The following LRRK1 variants were observed in gnomAD, a reference collection of about 807,000 sequenced individuals.
LRRK1 encodes leucine-rich repeat serine/threonine-protein kinase 1.
A neutral mutation model predicts 209.1 loss-of-function variants in LRRK1; 113 were observed. The observed-to-expected ratio is 0.54, with a 90% confidence interval of 0.46 to 0.63. LRRK1 has a LOEUF of 0.63. Among genes scored for constraint, LRRK1 ranks in the 30% least tolerant of loss-of-function variants. The pLI, the probability that LRRK1 is intolerant of heterozygous loss-of-function variation, is 0.00. For synonymous variants in LRRK1, 1,144 were observed against 1,099.7 expected (o/e 1.04, Z -0.80); for missense variants, 2,284 against 2,632.2 (o/e 0.87, Z 2.89).
chr15:101,067,018 A>G (rs1261562709), intron 33 of LRRK1, among the ~76,000 whole-genome samples: 2 of 152,220 alleles, frequency 1.3e-5, no homozygotes, highest in Non-Finnish European at 2.9e-5. Flanking sequence ...CTCCAGGGCC[A>G]GAGTTCAGCT....
Position 101,027,772 on chromosome 15 carries a change from C to T in LRRK1, c.2661C>T (p.Ile887=), listed in dbSNP as rs757689685. Residue 887 remains isoleucine, a synonymous_variant, in exon 19 of 34, where the codon ATC becomes ATT. Transcript: ENST00000388948. This position sits in a 1 kb window ranked among gnomAD's most constrained non-coding sequence, Gnocchi z 5.1. The stretch of plus-strand genomic sequence containing the variant: ...TGGAGCAGACGCCCGACAACGACAT[C>T]AAGGACTACGAGGACCTGCAGTCAG... The part of the protein sequence containing the change: ...QLVEQTPDND[I]KDYEDLQSAI... The T allele has an allele frequency of 1.3e-6, 2 of 1,595,218 alleles. No individual in the cohort carries two copies. The highest frequency in any genetic ancestry group is 1.7e-6 in the Non-Finnish European group (2 of 1,171,012).
rs1020684183 is a variant in LRRK1 at position 101,027,561 on chromosome 15, G to C, written c.2527-77G>C. ...ACGTCCCACCCCCTCAGGCCACAGG[G>C]GCCGGGCAGGATCTGCCCAAGCTGG... is the stretch of plus-strand genomic sequence containing the variant. On this transcript the variant is annotated intron_variant, in intron 18 of 33. Coordinates refer to ENST00000388948, the MANE Select transcript of LRRK1 (RefSeq NM_024652.6). This position sits in a 1 kb window ranked among gnomAD's most constrained non-coding sequence, Gnocchi z 5.1. The C allele has an allele frequency of 6.4e-7, 1 of 1,563,748 alleles. No individual in the cohort carries two copies. Among genetic ancestry groups the C allele is most frequent in the African/African-American group, 1.4e-5 (1 of 73,930 alleles).
rs372292557 is a variant in LRRK1, at chr15:101,065,545, C to A, written c.5108C>A (p.Ser1703Tyr). ...GCCATGGAGGTGGTCAACAGCGGCT[C>A]TGAGGTCTGGTACAGCAATGGGCCG... Reference protein sequence around the residue: ...VKAMEVVNSGSEVWYSNGPGL... With the variant: ...VKAMEVVNSGYEVWYSNGPGL... Residue 1703 changes from serine (S) to tyrosine (Y), a missense_variant, in exon 32 of 34, where the codon TCT becomes TAT. Transcript: ENST00000388948. 43 of 1,614,102 alleles carry A rather than the reference C, an allele frequency of 2.7e-5. No homozygotes were observed. The highest frequency in any genetic ancestry group is 3.6e-5 in the Non-Finnish European group (42 of 1,180,046).
intron 20 of LRRK1, among the ~76,000 whole-genome samples, chr15:101,031,064 G>A (rs1255586534): frequency 6.6e-6 from 1 of 152,160 alleles, no homozygotes; most frequent in Non-Finnish European, 1.5e-5. Context: ...TCTCCTCCAG[G>A]TCACTGCAAA....
At chr15:100,995,703 T>C (rs757419413) in intron 6 of LRRK1, among the ~76,000 whole-genome samples, 2 of 152,286 alleles carry the variant, frequency 1.3e-5, no homozygotes, top group Non-Finnish European at 2.9e-5. Context: ...CCTAATCAGA[T>C]CCCAGAATAA....
At chr15:101,061,118 G>A (rs1190691033) in intron 29 of LRRK1, 53 bp from the exon 30 acceptor site, 8 of 1,376,346 alleles carry the variant, frequency 5.8e-6, no homozygotes, top group Non-Finnish European at 8.3e-6. Context: ...CTCAGGGAAA[G>A]GAGGCAGCCC....
At chr15:100,992,843 A>G (rs1426901153) in intron 6 of LRRK1, among the ~76,000 whole-genome samples, 1 of 152,070 alleles carries the variant, frequency 6.6e-6, no homozygotes, top group African/African-American at 2.4e-5. Flanking sequence ...TGATTTTTGT[A>G]TTTTTAGTAG....
intron 2 of LRRK1, among the ~76,000 whole-genome samples, chr15:100,938,352 A>G (rs2015145450): frequency 2.6e-5 from 4 of 152,156 alleles, no homozygotes; most frequent in Admixed American, 2.0e-4. Flanking sequence ...TGATACTTGG[A>G]TACATGTATA....
chr15:101,060,689 G>A (rs904688295), intron 29 of LRRK1, among the ~76,000 whole-genome samples: 13 of 152,360 alleles, frequency 8.5e-5, no homozygotes, highest in East Asian at 3.9e-4. Flanking sequence ...CAGCGATGCC[G>A]GGGACAGCCG....
At chr15:101,039,237 A>G (rs2034631162) in intron 20 of LRRK1, among the ~76,000 whole-genome samples, 1 of 152,242 alleles carries the variant, frequency 6.6e-6, no homozygotes, top group Non-Finnish European at 1.5e-5. Flanking sequence ...ATCTTCCAAT[A>G]TGAACATGGT....
At chr15:100,975,012 G>GT (rs1306351011) in intron 3 of LRRK1, among the ~76,000 whole-genome samples, 1 of 152,226 alleles carries the variant, frequency 6.6e-6, no homozygotes, top group East Asian at 1.9e-4. Context: ...TCTCAGAAGT[G>GT]TAAGAGATTG....
chr15:101,006,861 T>G (rs182301307), intron 6 of LRRK1, among the ~76,000 whole-genome samples: 15 of 152,266 alleles, frequency 9.9e-5, no homozygotes, highest in African/African-American at 3.4e-4. Context: ...TTTAAAAAAT[T>G]TTTCAAAATT....
chr15:100,971,433 T>C (rs1217524740), intron 2 of LRRK1, among the ~76,000 whole-genome samples: 1 of 151,780 alleles, frequency 6.6e-6, no homozygotes, highest in African/African-American at 2.4e-5. Context: ...AGCACAAAGA[T>C]GGGTTGGGTT....
At chr15:100,940,078 G>A (rs7168644) in intron 2 of LRRK1, among the ~76,000 whole-genome samples, 7,286 of 152,190 alleles carry the variant, frequency 0.048, 557 homozygotes, top group African/African-American at 0.16. Context: ...ATCCTGCCCC[G>A]GATGCACGAT....
rs775480216 is a variant in LRRK1, at chr15:101,057,004, G to A, written c.4481G>A (p.Arg1494Gln). 1.2e-5 allele frequency: 19 copies of A among 1,613,680 alleles called. No individual in the cohort carries two copies. Among genetic ancestry groups the A allele is most frequent in the Admixed American group, 8.3e-5 (5 of 59,952 alleles). ...LGQPEEVQFRRLQALMMECWD... is the reference protein window; with the variant it reads ...LGQPEEVQFRQLQALMMECWD... ...CAGCCGGAGGAAGTGCAGTTCCGGC[G>A]ACTGCAGGCGCTCATGATGGAGTGC... The change falls in exon 28 of 34, where the codon CGA becomes CAA. Residue 1494 changes from arginine (R) to glutamine (Q), a missense_variant. Transcript: ENST00000388948.
chr15:100,990,812 T>C (rs2032123084), intron 6 of LRRK1, among the ~76,000 whole-genome samples: 1 of 152,180 alleles, frequency 6.6e-6, no homozygotes, highest in South Asian at 2.1e-4. Context: ...TTTTTTGTTA[T>C]CTTTTGTGAT....
chr15:101,059,486 TATTA>T (rs1357158776), intron 29 of LRRK1, among the ~76,000 whole-genome samples: 3 of 146,532 alleles, frequency 2.0e-5, no homozygotes, highest in African/African-American at 7.3e-5. Context: ...AAAGCAAACA[TATTA>T]ATTAAACAGG....
intron 2 of LRRK1, among the ~76,000 whole-genome samples, chr15:100,946,966 C>CTTTTT (rs1174884946): frequency 1.3e-5 from 2 of 152,070 alleles, no homozygotes; most frequent in Admixed American, 1.3e-4. Context: ...TTCTTTCTTT[C>CTTTTT]TTTTTTCTTT....
At chr15:101,020,953 C>A in intron 12 of LRRK1, 100 bp from the exon 13 acceptor site, 3 of 1,348,850 alleles carry the variant, frequency 2.2e-6, no homozygotes, top group South Asian at 1.3e-5. Context: ...TGCCAAAATG[C>A]CCTCTGGAGG....
Sources: gnomAD v4.1 joint callset for allele counts (sites outside exome capture counted in the v4.1 genomes callset) on GRCh38, gnomAD v4.1.1 for gene constraint, Gnocchi (gnomAD v3.1) non-coding constraint, MANE v1.5 for transcripts, NCBI Gene and HGNC (gene_info 2026-07-23, HGNC 2026-07-21) for gene names.